The following APOBEC3B variants were observed in gnomAD, a reference collection of about 807,000 sequenced individuals.
APOBEC3B encodes the protein apolipoprotein B mRNA editing enzyme catalytic subunit 3B, also known as DNA dC->dU-editing enzyme APOBEC-3B.
Under a neutral mutation model 53.4 loss-of-function variants are expected in APOBEC3B, and 29 were observed. That is an observed-to-expected ratio of 0.54 (90% CI 0.40 to 0.74). The LOEUF is 0.74. Among genes scored for constraint, APOBEC3B ranks in the 30% least tolerant of loss-of-function variants. The pLI is 0.00. For missense variants in APOBEC3B, 347 were observed against 496.2 expected, an observed-to-expected ratio of 0.70 and a Z score of 2.86; for synonymous variants, 132 against 184.8, an observed-to-expected ratio of 0.71 and a Z score of 2.32.
At position 38,986,101 on chromosome 22, in the gene APOBEC3B, G is replaced by C; in HGVS notation, c.454+10G>C. ...ATCATGGACTATGAAGGTGAGAGGT[G>C]GAGGGGTCAGGGGAGCGTGAGCGGG... is the stretch of plus-strand genomic sequence containing the variant. On this transcript the variant is annotated intron_variant, in intron 3 of 7. Coordinates refer to ENST00000333467, the MANE Select transcript of APOBEC3B (RefSeq NM_004900.5). The C allele has an allele frequency of 6.3e-7, 1 of 1,591,292 alleles. No individual in the cohort carries two copies. The highest frequency in any genetic ancestry group is 1.8e-5 in the Admixed American group (1 of 56,208).
rs910983615 is a variant in APOBEC3B, at chr22:38,991,696, A to G, written c.1018+70A>G. On this transcript the variant is annotated intron_variant, in intron 6 of 7. Transcript: ENST00000333467. ...AGAGGTTCCTGGGAAGAAAAGGAGA[A>G]AGGCCTTGGTCTGCTGCCTGCAGAA... 1.2e-5 allele frequency: 17 copies of G among 1,432,120 alleles called. 1 individual carries two copies. The highest frequency in any genetic ancestry group is 2.8e-5 in the African/African-American group (2 of 70,770). The allele number at this position is 1,432,120 out of a possible 1,614,324, so 88.7% of individuals were successfully genotyped here. A position where few individuals can be genotyped will look rare whatever the true frequency, so the allele number is the denominator to read the frequency against.
Position 38,988,372 on chromosome 22 carries a change from T to G in APOBEC3B, c.570-1085T>G, listed in dbSNP as rs1923821550. The stretch of plus-strand genomic sequence containing the variant: ...CCAGTGAAGACAGTTGGAGAGGGGA[T>G]TCTCTTCACTTGTCTTTAAATGAGC... On this transcript the variant is annotated intron_variant, in intron 4 of 7. Coordinates refer to ENST00000333467, the MANE Select transcript of APOBEC3B (RefSeq NM_004900.5). Among the ~76,000 whole-genome samples the G allele has an allele frequency of 1.3e-5, 2 of 148,816 alleles. 1 individual carries two copies. The highest frequency in any genetic ancestry group is 4.4e-4 in the South Asian group (2 of 4,550).
In APOBEC3B at chr22:38,987,602, C is replaced by T. The variant is rs556010245; in HGVS notation, c.569+1190C>T. ...TTCTGTAAGATTTACTTTGTTTCAA[C>T]ACAAAGTCTTAGGAGAGGGTGTGGG... is the stretch of plus-strand genomic sequence containing the variant. On this transcript the variant is annotated intron_variant, in intron 4 of 7. Transcript: ENST00000333467. Among the ~76,000 whole-genome samples, 29 of 148,632 alleles carry T rather than the reference C, an allele frequency of 2.0e-4. 4 individuals are homozygous for T. The highest frequency in any genetic ancestry group is 1.0e-3 in the Admixed American group (15 of 14,484).
In APOBEC3B at chr22:38,986,159, T is replaced by C. The variant is rs573014761; in HGVS notation, c.454+68T>C. On this transcript the variant is annotated intron_variant, in intron 3 of 7. Coordinates refer to ENST00000333467, the MANE Select transcript of APOBEC3B (RefSeq NM_004900.5). The stretch of plus-strand genomic sequence containing the variant: ...GCATGAAAGATGGATGGATCTGCAA[T>C]GCCATGGCTGGGGGTGTCCCAGGGC... 5.1e-6 allele frequency: 8 copies of C among 1,573,606 alleles called. 1 individual carries two copies. The African/African-American group carries it at 8.1e-5, about 16-fold the overall frequency.
Position 38,985,942 on chromosome 22 carries a change from C to T in APOBEC3B, c.305C>T (p.Ala102Val), listed in dbSNP as rs768591176. The change falls in exon 3 of 8, where the codon GCG becomes GTG. Residue 102 changes from alanine to valine, a missense_variant. Around this residue, in one of 5 missense-constraint regions of APOBEC3B, gnomAD observed 20 missense variants for 50.9 expected, o/e 0.39. Coordinates refer to ENST00000333467, the MANE Select transcript of APOBEC3B (RefSeq NM_004900.5). ...VSWTPCPDCV[A>V]KLAEFLSEHP... ...TGGACCCCCTGCCCGGACTGTGTGG[C>T]GAAGCTGGCCGAATTCCTGTCTGAG... 71 of 1,601,420 alleles carry T rather than the reference C, an allele frequency of 4.4e-5. 2 individuals are homozygous for T. The highest frequency in any genetic ancestry group is 2.0e-4 in the South Asian group (18 of 89,672).
At chr22:38,987,418 G>A (rs562704016) in intron 4 of APOBEC3B, among the ~76,000 whole-genome samples, 6 of 148,456 alleles carry the variant, frequency 4.0e-5, no homozygotes, top group African/African-American at 1.5e-4. Context: ...CCCCTGCTGA[G>A]ACTCTTCCCT....
In APOBEC3B at chr22:38,986,398, A is replaced by G; in HGVS notation, c.555A>G (p.Leu185=). The G allele has an allele frequency of 6.3e-7, 1 of 1,593,448 alleles. No homozygotes were observed. Among genetic ancestry groups the G allele is most frequent in the Non-Finnish European group, 8.5e-7 (1 of 1,172,356 alleles). ...DENYAFLHRT[L]KEILRYLMDP... ...ATTATGCATTCCTGCACCGCACGCT[A>G]AAGGAGATTCTCAGGTGAGGGTCTC... The change falls in exon 4 of 8, where the codon CTA becomes CTG. Residue 185 remains leucine, a synonymous_variant. Transcript: ENST00000333467.
At position 38,992,612 on chromosome 22, in the gene APOBEC3B, T is replaced by A; in HGVS notation, c.*167T>A. ...CAAGTAGATTTTTTAAAAATCAGAG[T>A]CAATTAATTTTAATTGAAAATTTCT... On this transcript the variant is annotated 3_prime_UTR_variant, in exon 8 of 8. Transcript: ENST00000333467. 2 of 1,505,696 alleles carry A rather than the reference T, an allele frequency of 1.3e-6. No homozygotes were observed. Among genetic ancestry groups the A allele is most frequent in the Non-Finnish European group, 1.8e-6 (2 of 1,123,170 alleles). 93.3% of individuals were successfully genotyped at this position (1,505,696 alleles called of 1,614,324 possible).
intron 4 of APOBEC3B, among the ~76,000 whole-genome samples, chr22:38,989,055 C>A (rs1028835531): frequency 1.3e-5 from 2 of 148,166 alleles, no homozygotes; most frequent in Admixed American, 6.9e-5. Flanking sequence ...AGGAGTTAAC[C>A]CTGCAGGCAG....
At chr22:38,982,911 G>A (rs1250405893) in intron 1 of APOBEC3B, among the ~76,000 whole-genome samples, 7 of 148,718 alleles carry the variant, frequency 4.7e-5, no homozygotes, top group African/African-American at 7.3e-5. Context: ...GAGAGGGTGC[G>A]GGGGTAGGAA....
Position 38,992,049 on chromosome 22 carries a change from G to A in APOBEC3B, c.1034G>A (p.Trp345Ter). 6.3e-7 allele frequency: 1 copy of A among 1,586,954 alleles called. No individual in the cohort carries two copies. The highest frequency in any genetic ancestry group is 8.6e-7 in the Non-Finnish European group (1 of 1,169,308). Residue 345 changes from tryptophan to a stop codon, truncating the protein, a stop_gained, in exon 7 of 8, where the codon TGG becomes TAG. Transcript: ENST00000333467. LOFTEE classifies it high-confidence loss of function. ...CCCTTTTCAGAGTTTGAGTACTGCT[G>A]GGACACCTTTGTGTACCGCCAGGGA... ...IMTYDEFEYC[W>*]DTFVYRQGCP... is the part of the protein sequence containing the mutation.
intron 1 of APOBEC3B, 79 bp downstream of exon 1, chr22:38,982,549 TC>T: frequency 6.6e-7 from 1 of 1,520,114 alleles, no homozygotes; most frequent in Admixed American, 1.9e-5. Flanking sequence ...AACCCTGGCC[TC>T]CCCCCGCCCC....
chr22:38,992,495 G>A lies in APOBEC3B; in HGVS notation c.*50G>A. ...AGGCAGAGACCTGGGTTGAGCAGCA[G>A]AATAAAAGATCTTCTTCCAAGAAAT... On this transcript the variant is annotated 3_prime_UTR_variant, in exon 8 of 8. Coordinates refer to ENST00000333467, the MANE Select transcript of APOBEC3B (RefSeq NM_004900.5). 1 of 1,514,480 alleles carries A rather than the reference G, an allele frequency of 6.6e-7. No homozygotes were observed. The highest frequency in any genetic ancestry group is 1.3e-5 in the South Asian group (1 of 75,808). The allele number at this position is 1,514,480 out of a possible 1,614,324, so 93.8% of individuals were successfully genotyped here.
chr22:38,986,610 G>A lies in APOBEC3B; in HGVS notation c.569+198G>A, dbSNP rs541424073. 5.7e-3 allele frequency among the ~76,000 whole-genome samples: 844 copies of A among 148,010 alleles called. 55 individuals are homozygous for A. The highest frequency in any genetic ancestry group is 8.9e-3 in the Non-Finnish European group (595 of 67,078). ...CCTGGGCCCTTCCTGTGAGTAAGAG[G>A]CCCCTTCTGCCTCTAAGGCACCTGG... On this transcript the variant is annotated intron_variant, in intron 4 of 7. Coordinates refer to ENST00000333467, the MANE Select transcript of APOBEC3B (RefSeq NM_004900.5).
In APOBEC3B at chr22:38,987,037, C is replaced by T. The variant is rs192781948; in HGVS notation, c.569+625C>T. Among the ~76,000 whole-genome samples, 1,018 of 148,878 alleles carry T rather than the reference C, an allele frequency of 6.8e-3. 72 individuals are homozygous for T. Among genetic ancestry groups the T allele is most frequent in the African/African-American group, 0.023 (945 of 40,988 alleles). ...AGAAAGCAGCATAAAGTGAGGCTTGCACTCAGATGGGCCTGGGAGGTCACT... is the reference window on the plus strand; with the variant it reads ...AGAAAGCAGCATAAAGTGAGGCTTGTACTCAGATGGGCCTGGGAGGTCACT... On this transcript the variant is annotated intron_variant, in intron 4 of 7. Coordinates refer to ENST00000333467, the MANE Select transcript of APOBEC3B (RefSeq NM_004900.5).
intron 2 of APOBEC3B, among the ~76,000 whole-genome samples, chr22:38,984,676 G>T (rs1265972976): frequency 6.8e-6 from 1 of 148,086 alleles, no homozygotes; most frequent in Non-Finnish European, 1.5e-5. Context: ...GGTGGTGTCT[G>T]GAGCCCATTC....
intron 1 of APOBEC3B, 142 bp downstream of exon 1, chr22:38,982,612 A>C (rs1476393440): frequency 9.8e-7 from 1 of 1,016,254 alleles, no homozygotes; most frequent in South Asian, 1.4e-5. Flanking sequence ...CACGAATCCC[A>C]GTCAGGCTCT....
chr22:38,986,784 G>A (rs1454451407), intron 4 of APOBEC3B, among the ~76,000 whole-genome samples: 2 of 148,824 alleles, frequency 1.3e-5, no homozygotes, highest in African/African-American at 4.9e-5. Context: ...AGCTCAGTGT[G>A]GGGGCACCCA....
At position 38,982,415 on chromosome 22, in the gene APOBEC3B, A is replaced by T; in HGVS notation, c.-39A>T. On this transcript the variant is annotated 5_prime_UTR_variant, in exon 1 of 8. Transcript: ENST00000333467. ...AAGTGAAACCACAGAGCTTCAAAAA[A>T]AGAGCGGGACAGGGACAAGCGTATC... 6.3e-7 allele frequency: 1 copy of T among 1,593,126 alleles called. No homozygotes were observed. The highest frequency in any genetic ancestry group is 1.1e-5 in the South Asian group (1 of 88,774).
Sources: gnomAD v4.1 joint callset for allele counts (sites outside exome capture counted in the v4.1 genomes callset) on GRCh38, gnomAD v4.1.1 for gene constraint, gnomAD v4.1.1 regional missense constraint, MANE v1.5 for transcripts, NCBI Gene and HGNC (gene_info 2026-07-23, HGNC 2026-07-21) for gene names.